TNRC6C: variants seen among roughly 807,000 people sequenced by gnomAD.
The protein encoded by TNRC6C is trinucleotide repeat-containing gene 6C protein.
In TNRC6C, 20 loss-of-function variants were observed where a neutral mutation model predicts 153.7. That is an observed-to-expected ratio of 0.13 (90% CI 0.09 to 0.19). TNRC6C has a LOEUF of 0.19. Among genes scored for constraint, TNRC6C ranks in the 10% least tolerant of loss-of-function variants. The pLI, the probability that TNRC6C is intolerant of heterozygous loss-of-function variation, is 1.00. For missense variants in TNRC6C, 1,987 were observed against 2,172.0 expected, an observed-to-expected ratio of 0.91 and a Z score of 1.69; for synonymous variants, 811 against 841.4, an observed-to-expected ratio of 0.96 and a Z score of 0.63.
At chr17:78,006,542 TCTTCTTCTTCTTCTTCTTCCTTCTTC>T (rs2071509277) in intron 1 of TNRC6C, among the ~76,000 whole-genome samples, 1 of 138,552 alleles carries the variant, frequency 7.2e-6, no homozygotes, top group Non-Finnish European at 1.6e-5. Flanking sequence ...TTCTTCTTCT[TCTTCTTCTTCTTCTTCTTCCTTCTTC>T]CTTCTTCCTT....
At chr17:78,000,864 A>G (rs923577519), upstream of TNRC6C, among the ~76,000 whole-genome samples, 4 of 152,226 alleles carry the variant, frequency 2.6e-5, no homozygotes, top group African/African-American at 9.6e-5. Flanking sequence ...GGTAATTTGT[A>G]ACATTTTTCA....
chr17:78,020,783 T>C (rs2071817511), intron 1 of TNRC6C, among the ~76,000 whole-genome samples: 1 of 152,238 alleles, frequency 6.6e-6, no homozygotes, highest in Non-Finnish European at 1.5e-5. Flanking sequence ...GCTAAGTCTT[T>C]AGAATCCAGT....
chr17:78,102,560 C>A lies in TNRC6C; in HGVS notation c.4572+16C>A. ...CACTCCCCAGGTGCAATATGGTGCC[C>A]CTGCATCACTGAGCATGATCCAGGG... On this transcript the variant is annotated intron_variant, in intron 18 of 19. Transcript: ENST00000301624. The A allele has an allele frequency of 6.3e-7, 1 of 1,590,816 alleles. No homozygotes were observed. The highest frequency in any genetic ancestry group is 8.6e-7 in the Non-Finnish European group (1 of 1,168,578).
At chr17:78,044,069 A>G (rs1454756793) in intron 2 of TNRC6C, among the ~76,000 whole-genome samples, 1 of 152,176 alleles carries the variant, frequency 6.6e-6, no homozygotes, top group Non-Finnish European at 1.5e-5. Context: ...TTGGGTATAT[A>G]CCTAGGATTG....
chr17:78,023,442 A>G (rs1377967904), intron 1 of TNRC6C, among the ~76,000 whole-genome samples: 2 of 152,052 alleles, frequency 1.3e-5, no homozygotes, highest in South Asian at 2.1e-4. Context: ...TTCTGCTGCT[A>G]CTGCTTTTGA....
chr17:78,004,973 T>C (rs780239240), upstream of TNRC6C: 12 of 1,040,440 alleles, frequency 1.2e-5, no homozygotes, highest in Non-Finnish European at 1.5e-5. Context: ...AAAAGTTTGC[T>C]TATAAACTTT....
intron 1 of TNRC6C, among the ~76,000 whole-genome samples, chr17:78,025,921 T>G (rs2071933418): frequency 6.6e-6 from 1 of 152,198 alleles, no homozygotes; most frequent in African/African-American, 2.4e-5. Context: ...TGGGCTTCAC[T>G]TCAACCATAG....
chr17:77,958,844 C>T (rs1212236311), upstream of TNRC6C, among the ~76,000 whole-genome samples: 1 of 147,032 alleles, frequency 6.8e-6, no homozygotes. Flanking sequence ...AGTCCCAGCG[C>T]CCGCCGCGCT....
At chr17:78,005,950 A>G (rs1031329621) in intron 1 of TNRC6C, among the ~76,000 whole-genome samples, 1 of 152,206 alleles carries the variant, frequency 6.6e-6, no homozygotes, top group Non-Finnish European at 1.5e-5. Flanking sequence ...AAGGTTTACT[A>G]TAACTGTTAT....
At chr17:78,017,982 G>A (rs1191729302) in intron 1 of TNRC6C, among the ~76,000 whole-genome samples, 1 of 152,138 alleles carries the variant, frequency 6.6e-6, no homozygotes, top group Non-Finnish European at 1.5e-5. Context: ...TTGTCCCACT[G>A]TTCCTTTTAT....
exon 11 of TNRC6C, chr17:78,083,122 C>T: frequency 6.2e-7 from 1 of 1,614,004 alleles, no homozygotes. Flanking sequence ...GCCAATTAAT[C>T]CTCAACATAT....
intron 1 of TNRC6C, among the ~76,000 whole-genome samples, chr17:77,980,919 G>A (rs887783688): frequency 1.3e-5 from 2 of 152,142 alleles, no homozygotes; most frequent in African/African-American, 4.8e-5. Flanking sequence ...CCATTTGCTC[G>A]GGCATTTGGA....
chr17:78,030,518 G>T lies in TNRC6C; in HGVS notation c.-545-998G>T, dbSNP rs186466123. ...TGTGTTGTGACATTGCAACGGCTGT[G>T]TCACCAGACGATAGGAATTTTTCAA... On this transcript the variant is annotated intron_variant, in intron 1 of 19. Coordinates refer to ENST00000301624, the Ensembl canonical transcript of TNRC6C. Among the ~76,000 whole-genome samples the T allele has an allele frequency of 3.3e-4, 50 of 152,272 alleles. No homozygotes were observed. The East Asian group carries it at 7.7e-3, about 23-fold the overall frequency.
At chr17:78,064,380 C>T (rs2072830702) in intron 3 of TNRC6C, among the ~76,000 whole-genome samples, 1 of 152,148 alleles carries the variant, frequency 6.6e-6, no homozygotes, top group South Asian at 2.1e-4. Flanking sequence ...CATGAGCCAC[C>T]GCATCTGACC....
upstream of TNRC6C, among the ~76,000 whole-genome samples, chr17:78,000,618 G>GCCCCCCCCCC (rs35005797): frequency 7.7e-5 from 1 of 13,046 alleles, no homozygotes; most frequent in Non-Finnish European, 1.3e-4. Flanking sequence ...TTCTCCCTCC[G>GCCCCCCCCCC]CCCCCCCCCC....
At chr17:78,066,212 CAG>C (rs1000187381) in intron 4 of TNRC6C, 6 of 143,460 alleles carry the variant, frequency 4.2e-5, no homozygotes, top group African/African-American at 1.6e-4. Context: ...GCCTGGGAGA[CAG>C]AGACTCCATC....
intron 1 of TNRC6C, among the ~76,000 whole-genome samples, chr17:77,974,193 G>T (rs926275169): frequency 6.6e-6 from 1 of 152,052 alleles, no homozygotes; most frequent in Non-Finnish European, 1.5e-5. Flanking sequence ...TATATAAAGA[G>T]CTCTCGTAAC....
chr17:77,998,575 CT>C (rs1325879673), intron 1 of TNRC6C, among the ~76,000 whole-genome samples: 1 of 152,168 alleles, frequency 6.6e-6, no homozygotes, highest in Admixed American at 6.5e-5. Context: ...TTCACGTACT[CT>C]TTCCTCTTTC....
At chr17:78,040,620 C>T (rs910218474) in intron 2 of TNRC6C, among the ~76,000 whole-genome samples, 7 of 152,136 alleles carry the variant, frequency 4.6e-5, no homozygotes, top group African/African-American at 1.4e-4. Flanking sequence ...GATGAGAGAG[C>T]CGCAGTTTAT....
Sources: allele counts gnomAD v4.1 joint callset (sites outside exome capture counted in the v4.1 genomes callset), GRCh38; gene constraint gnomAD v4.1.1; transcripts MANE v1.5; gene names NCBI Gene and HGNC (gene_info 2026-07-23, HGNC 2026-07-21).